The following PPP4R2 variants were observed in gnomAD, a reference collection of about 807,000 sequenced individuals.
PPP4R2 encodes protein phosphatase 4 regulatory subunit 2.
Under a neutral mutation model 47.2 loss-of-function variants are expected in PPP4R2, and 13 were observed. The ratio of observed to expected loss-of-function variants is 0.28; its 90% CI spans 0.18 to 0.44. PPP4R2 has a LOEUF of 0.44. Ranked by LOEUF, PPP4R2 falls within the 20% of genes least tolerant of loss-of-function variation. PPP4R2 has a pLI of 1.00. For missense variants in PPP4R2, 421 were observed against 491.2 expected, an observed-to-expected ratio of 0.86 and a Z score of 1.35; for synonymous variants, 151 against 163.3, an observed-to-expected ratio of 0.92 and a Z score of 0.57.
At position 73,020,588 on chromosome 3, in the gene PPP4R2, T is replaced by A. The variant is rs140813573; in HGVS notation, c.116+22430T>A. ...AGGAGGCTGAGGTGGGAGGATCACTTGAGCCTGGGAGGTCAGGGATGCATG... is the reference window on the plus strand; with the variant it reads ...AGGAGGCTGAGGTGGGAGGATCACTAGAGCCTGGGAGGTCAGGGATGCATG... On this transcript the variant is annotated intron_variant, in intron 2 of 8. Coordinates refer to ENST00000356692, the MANE Select transcript of PPP4R2 (RefSeq NM_174907.4). Among the ~76,000 whole-genome samples the A allele has an allele frequency of 6.6e-3, 990 of 150,552 alleles. 22 individuals are homozygous for A. Among genetic ancestry groups the A allele is most frequent in the African/African-American group, 0.023 (936 of 40,796 alleles).
rs139324344 is a variant in PPP4R2 at position 72,997,656 on chromosome 3, T to C, written c.35-421T>C. On this transcript the variant is annotated intron_variant, in intron 1 of 8. Coordinates refer to ENST00000356692, the MANE Select transcript of PPP4R2 (RefSeq NM_174907.4). Reference sequence around the variant, plus strand: ...GAGATTTCAGCGTTTTGAGAATTATTCTTTGACATTCAGAATCATTTGGGG... The same window carrying C: ...GAGATTTCAGCGTTTTGAGAATTATCCTTTGACATTCAGAATCATTTGGGG... 3.2e-3 allele frequency among the ~76,000 whole-genome samples: 485 copies of C among 152,322 alleles called. 5 individuals carry two copies. Among genetic ancestry groups the C allele is most frequent in the African/African-American group, 0.011 (475 of 41,560 alleles).
At chr3:73,006,350 C>T (rs1299908642) in intron 2 of PPP4R2, among the ~76,000 whole-genome samples, 1 of 151,864 alleles carries the variant, frequency 6.6e-6, no homozygotes, top group Non-Finnish European at 1.5e-5. Context: ...AGGCGCGCGC[C>T]ACCATGCCTG....
rs371201388 is a variant in PPP4R2 at position 73,052,078 on chromosome 3, G to C, written c.287+4722G>C. Reference sequence around the variant, plus strand: ...CCTGAATATAGTAGGTTCTTAAACAGACAAGTATGGAATGACTAGGTGCGT... The same window carrying C: ...CCTGAATATAGTAGGTTCTTAAACACACAAGTATGGAATGACTAGGTGCGT... On this transcript the variant is annotated intron_variant, in intron 3 of 8. Coordinates refer to ENST00000356692, the MANE Select transcript of PPP4R2 (RefSeq NM_174907.4). 2.4e-4 allele frequency among the ~76,000 whole-genome samples: 37 copies of C among 152,030 alleles called. 1 individual carries two copies. The highest frequency in any genetic ancestry group is 8.5e-4 in the Admixed American group (13 of 15,266).
intron 5 of PPP4R2, chr3:73,063,338 A>AGG (rs1553652016): frequency 1.7e-5 from 3 of 172,776 alleles, no homozygotes; most frequent in African/African-American, 8.0e-5. Flanking sequence ...AAAAAAAAAA[A>AGG]AAGTCCAGGT....
rs1174592462 is a variant in PPP4R2 at position 73,011,513 on chromosome 3, G to GT, written c.116+13357dup. Among the ~76,000 whole-genome samples the GT allele has an allele frequency of 2.6e-5, 4 of 151,988 alleles. No homozygotes were observed. The East Asian group carries it at 7.7e-4, about 29-fold the overall frequency. ...AAAAAATTTGGAGCTTTTTGCTTTT[G>GT]TTAGGACTCTTATAATCGTTATTTC... On this transcript the variant is annotated intron_variant, in intron 2 of 8. Coordinates refer to ENST00000356692, the MANE Select transcript of PPP4R2 (RefSeq NM_174907.4).
chr3:73,061,884 G>A, intron 5 of PPP4R2: 1 of 517,646 alleles, frequency 1.9e-6, no homozygotes, highest in Non-Finnish European at 3.5e-6. Flanking sequence ...TTTTTAGAAT[G>A]TTCCCAAGAA....
At chr3:73,007,029 C>T (rs1251251624) in intron 2 of PPP4R2, among the ~76,000 whole-genome samples, 2 of 152,142 alleles carry the variant, frequency 1.3e-5, no homozygotes, top group African/African-American at 4.8e-5. Context: ...TTTGGTCAGC[C>T]ATAAGGTTTT....
intron 2 of PPP4R2, among the ~76,000 whole-genome samples, chr3:73,037,732 T>G (rs757776647): frequency 6.6e-6 from 1 of 152,264 alleles, no homozygotes; most frequent in Non-Finnish European, 1.5e-5. Context: ...AGGTTCAGCT[T>G]AAAGTTCCAA....
At chr3:73,051,644 C>T (rs756210890) in intron 3 of PPP4R2, among the ~76,000 whole-genome samples, 5 of 152,112 alleles carry the variant, frequency 3.3e-5, no homozygotes, top group East Asian at 3.9e-4. Flanking sequence ...GTTTGGTTTT[C>T]GAGATGGAGT....
At chr3:73,005,515 C>G (rs1559546297) in intron 2 of PPP4R2, among the ~76,000 whole-genome samples, 1 of 151,826 alleles carries the variant, frequency 6.6e-6, no homozygotes, top group Non-Finnish European at 1.5e-5. Flanking sequence ...CAGTACTTAT[C>G]ATTTTGTCTT....
Position 73,049,302 on chromosome 3 carries a change from T to C in PPP4R2, c.287+1946T>C, listed in dbSNP as rs533184801. Among the ~76,000 whole-genome samples, 167 of 152,040 alleles carry C rather than the reference T, an allele frequency of 1.1e-3. 3 individuals are homozygous for C. The highest frequency in any genetic ancestry group is 3.1e-3 in the African/African-American group (127 of 41,468). On this transcript the variant is annotated intron_variant, in intron 3 of 8. Transcript: ENST00000356692. ...TCACTAGGTCAGGAGATTGAGACCA[T>C]CCTGGCTAACACGGTGAAACCCCGT...
intron 2 of PPP4R2, chr3:73,014,818 T>C (rs1701789724): frequency 2.5e-6 from 1 of 405,486 alleles, no homozygotes; most frequent in Non-Finnish European, 4.4e-6. Context: ...AAAGTGATAA[T>C]ATTCTAAATC....
rs1316817925 is a variant in PPP4R2, at chr3:73,066,494, C to G, written c.*772C>G. ...GTTCAAACTCAAATTCTTTTGTATACTTCTGAGGTGCCTGAGAAAAAGACT... is the reference window on the plus strand; with the variant it reads ...GTTCAAACTCAAATTCTTTTGTATAGTTCTGAGGTGCCTGAGAAAAAGACT... On this transcript the variant is annotated 3_prime_UTR_variant, in exon 9 of 9. Transcript: ENST00000356692. 6.6e-6 allele frequency: 1 copy of G among 151,884 alleles called. No homozygotes were observed. The highest frequency in any genetic ancestry group is 2.4e-5 in the African/African-American group (1 of 41,406). The allele number at this position is 151,884 out of a possible 1,614,324, so 9.4% of individuals were successfully genotyped here. A position where few individuals can be genotyped will look rare whatever the true frequency, so the allele number is the denominator to read the frequency against.
At chr3:73,019,151 T>TA (rs1419832285) in intron 2 of PPP4R2, among the ~76,000 whole-genome samples, 1 of 152,214 alleles carries the variant, frequency 6.6e-6, no homozygotes, top group Admixed American at 6.5e-5. Context: ...TACGAATACT[T>TA]ACCATTACAG....
chr3:73,060,365 A>G (rs1702827364), intron 4 of PPP4R2, among the ~76,000 whole-genome samples: 1 of 152,214 alleles, frequency 6.6e-6, no homozygotes, highest in Non-Finnish European at 1.5e-5. Flanking sequence ...AATATGTTAC[A>G]GTAGTCATAC....
intron 3 of PPP4R2, among the ~76,000 whole-genome samples, chr3:73,058,633 C>G (rs944286923): frequency 5.3e-5 from 8 of 151,968 alleles, no homozygotes; most frequent in African/African-American, 1.9e-4. Context: ...TATCCATCAC[C>G]TCAAGCGTTT....
chr3:73,000,857 A>G lies in PPP4R2; in HGVS notation c.116+2699A>G, dbSNP rs139036244. 5.2e-3 allele frequency among the ~76,000 whole-genome samples: 786 copies of G among 152,344 alleles called. 7 individuals are homozygous for G. The highest frequency in any genetic ancestry group is 0.018 in the African/African-American group (756 of 41,570). ...AAACAGGAACATATGGTGTGTTTCA[A>G]TCATGAATTTAAACACTTGATGCAT... is the stretch of plus-strand genomic sequence containing the variant. On this transcript the variant is annotated intron_variant, in intron 2 of 8. Transcript: ENST00000356692.
At chr3:73,005,236 C>T (rs376574711) in intron 2 of PPP4R2, among the ~76,000 whole-genome samples, 15 of 151,948 alleles carry the variant, frequency 9.9e-5, no homozygotes, top group East Asian at 7.8e-4. Flanking sequence ...CCACTGCGCC[C>T]GGCCAAAATA....
At chr3:73,047,092 G>C (rs1202427641) in intron 2 of PPP4R2, 94 bp from the exon 3 acceptor site, 2 of 694,620 alleles carry the variant, frequency 2.9e-6, no homozygotes, top group Non-Finnish European at 4.7e-6. Flanking sequence ...AATTTTGTTA[G>C]TATTAGTGTC....
Sources: allele counts gnomAD v4.1 joint callset (sites outside exome capture counted in the v4.1 genomes callset), GRCh38; gene constraint gnomAD v4.1.1; transcripts MANE v1.5; gene names NCBI Gene and HGNC (gene_info 2026-07-23, HGNC 2026-07-21).